Variants in PCDHA1 observed in about 807,000 individuals in gnomAD.
PCDHA1 encodes the protein protocadherin alpha-1.
In PCDHA1, 42 loss-of-function variants were observed where a neutral mutation model predicts 61.3. The ratio of observed to expected loss-of-function variants is 0.69; its 90% CI spans 0.54 to 0.89. The LOEUF is 0.89. Among genes scored for constraint, PCDHA1 ranks in the 40% least tolerant of loss-of-function variants. The probability of loss-of-function intolerance (pLI) is 0.00; values close to 1 mark genes in which losing one functional copy is unlikely to be tolerated. For synonymous variants in PCDHA1, 610 were observed against 553.8 expected (o/e 1.10, Z -1.43); for missense variants, 1,256 against 1,235.3 (o/e 1.02, Z -0.25).
At chr5:140,850,678 C>T in intron 1 of PCDHA1, 1 of 1,598,606 alleles carries the variant, frequency 6.3e-7, no homozygotes, top group Non-Finnish European at 8.6e-7. Flanking sequence ...GCGATGCCCA[C>T]CGAGGGCGAG....
intron 1 of PCDHA1, among the ~76,000 whole-genome samples, chr5:140,910,781 A>G (rs1402088509): frequency 3.9e-5 from 6 of 152,220 alleles, no homozygotes; most frequent in Non-Finnish European, 8.8e-5. Flanking sequence ...AAGCTGCAAC[A>G]TTAAATGCAG....
intron 1 of PCDHA1, among the ~76,000 whole-genome samples, chr5:140,900,920 T>G (rs539511607): frequency 2.0e-5 from 3 of 152,204 alleles, no homozygotes; most frequent in Non-Finnish European, 4.4e-5. Context: ...TAAGATGATA[T>G]CTCATTGTAG....
chr5:140,869,928 A>T, intron 1 of PCDHA1: 1 of 1,611,724 alleles, frequency 6.2e-7, no homozygotes, highest in Non-Finnish European at 8.5e-7. Flanking sequence ...GAGTCAATGG[A>T]GAGGTAACAT....
At chr5:140,895,351 T>C (rs1367078085) in intron 1 of PCDHA1, among the ~76,000 whole-genome samples, 2 of 152,180 alleles carry the variant, frequency 1.3e-5, no homozygotes, top group Admixed American at 1.3e-4. Context: ...TGCTTTCCAG[T>C]GAGTACTTAT....
In PCDHA1 at chr5:140,806,926, C is replaced by T. The variant is rs552320631; in HGVS notation, c.2394+18242C>T. ...AAACGACTGAAATAATAAATAAAAC[C>T]AAGTAGTTTACAGTAGAGTGTGTGG... On this transcript the variant is annotated intron_variant, in intron 1 of 3. Coordinates refer to ENST00000504120, the MANE Select transcript of PCDHA1 (RefSeq NM_018900.4). 5 of 514,748 alleles carry T rather than the reference C, an allele frequency of 9.7e-6. No homozygotes were observed. In the East Asian group the frequency reaches 1.6e-4, roughly 17 times the overall value. The allele number at this position is 514,748 out of a possible 1,614,324, so 31.9% of individuals were successfully genotyped here. A position where few individuals can be genotyped will look rare whatever the true frequency, so the allele number is the denominator to read the frequency against.
intron 1 of PCDHA1, chr5:140,823,932 G>A (rs782682917): frequency 2.5e-6 from 4 of 1,613,862 alleles, no homozygotes; most frequent in South Asian, 2.2e-5. Flanking sequence ...TGTACACCGC[G>A]CTGCGGTGCT....
chr5:140,882,856 G>A (rs1352769264), intron 1 of PCDHA1: 1 of 1,614,098 alleles, frequency 6.2e-7, no homozygotes, highest in African/African-American at 1.3e-5. Context: ...CACTTGTACT[G>A]AGGAAAACAC....
At chr5:140,863,723 G>A (rs1013591731) in intron 1 of PCDHA1, 3 of 271,432 alleles carry the variant, frequency 1.1e-5, no homozygotes, top group African/African-American at 4.4e-5. Context: ...GGCCGGGTGC[G>A]GTAGCTCATG....
rs782431271 is a variant in PCDHA1 at position 140,797,087 on chromosome 5, C to G, written c.2394+8403C>G. ...CTGATCATCGCCATCTGCGCGGTAT[C>G]CAGCCTGTTGGTGCTCACGGTGCTG... On this transcript the variant is annotated intron_variant, in intron 1 of 3. Transcript: ENST00000504120. 3.7e-6 allele frequency: 6 copies of G among 1,613,980 alleles called. No individual in the cohort carries two copies. Among genetic ancestry groups the G allele is most frequent in the Admixed American group, 1.7e-5 (1 of 60,034 alleles).
intron 1 of PCDHA1, chr5:140,804,762 G>T: frequency 4.2e-6 from 1 of 240,134 alleles, no homozygotes; most frequent in Non-Finnish European, 8.0e-6. Context: ...CTAGCAATTA[G>T]TTGGACTCCC....
rs140143150 is a variant in PCDHA1 at position 140,828,784 on chromosome 5, A to C, written c.2394+40100A>C. On this transcript the variant is annotated intron_variant, in intron 1 of 3. Coordinates refer to ENST00000504120, the MANE Select transcript of PCDHA1 (RefSeq NM_018900.4). Reference sequence around the variant, plus strand: ...CAGGCACTGTTCAGCTGCTGGTCACAGTGCTGGATGTGAATGATAATGCTC... The same window carrying C: ...CAGGCACTGTTCAGCTGCTGGTCACCGTGCTGGATGTGAATGATAATGCTC... 6.8e-4 allele frequency: 1,103 copies of C among 1,614,228 alleles called. 2 individuals carry two copies. Among genetic ancestry groups the C allele is most frequent in the Non-Finnish European group, 4.9e-4 (579 of 1,180,028 alleles).
rs566979917 is a variant in PCDHA1, at chr5:140,802,220, G to T, written c.2394+13536G>T. Reference sequence around the variant, plus strand: ...ACTGCACAGTTCTACTCGAAATTGTGGACATCAATGATAATGTACCTGAGT... The same window carrying T: ...ACTGCACAGTTCTACTCGAAATTGTTGACATCAATGATAATGTACCTGAGT... On this transcript the variant is annotated intron_variant, in intron 1 of 3. Coordinates refer to ENST00000504120, the MANE Select transcript of PCDHA1 (RefSeq NM_018900.4). 6 of 1,614,176 alleles carry T rather than the reference G, an allele frequency of 3.7e-6. No homozygotes were observed. In the East Asian group the frequency reaches 1.1e-4, roughly 30 times the overall value.
chr5:140,921,057 C>G (rs2079994477), intron 1 of PCDHA1, among the ~76,000 whole-genome samples: 1 of 151,924 alleles, frequency 6.6e-6, no homozygotes, highest in African/African-American at 2.4e-5. Flanking sequence ...ATAGCTCACT[C>G]TAACCTTGAA....
intron 3 of PCDHA1, among the ~76,000 whole-genome samples, chr5:141,003,441 AGAT>A (rs2098125025): frequency 6.6e-6 from 1 of 152,122 alleles, no homozygotes; most frequent in Non-Finnish European, 1.5e-5. Context: ...CCTCCCAAGT[AGAT>A]GAAATTACAG....
At position 140,927,035 on chromosome 5, in the gene PCDHA1, C is replaced by A. The variant is rs1554203936; in HGVS notation, c.2395-51914C>A. 2 of 1,612,296 alleles carry A rather than the reference C, an allele frequency of 1.2e-6. No homozygotes were observed. The highest frequency in any genetic ancestry group is 1.7e-6 in the Non-Finnish European group (2 of 1,178,902). Reference sequence around the variant, plus strand: ...TCCGCGGACTTGAGGCTGCCAGCGGCCGCTATGTCCTCGCGGAACTTTCGC... The same window carrying A: ...TCCGCGGACTTGAGGCTGCCAGCGGACGCTATGTCCTCGCGGAACTTTCGC... On this transcript the variant is annotated intron_variant, in intron 1 of 3. Transcript: ENST00000504120.
chr5:140,929,285 T>C, intron 1 of PCDHA1: 15 of 1,600,688 alleles, frequency 9.4e-6, no homozygotes, highest in Non-Finnish European at 1.3e-5. Flanking sequence ...TGTATTCAGA[T>C]TCGGAATAGG....
At chr5:140,858,028 C>T (rs1192934836) in intron 1 of PCDHA1, 1 of 1,596,786 alleles carries the variant, frequency 6.3e-7, no homozygotes, top group Non-Finnish European at 8.6e-7. Context: ...CGCTGACGGC[C>T]ACGGCCACTG....
intron 1 of PCDHA1, among the ~76,000 whole-genome samples, chr5:140,935,749 A>G (rs1245640487): frequency 6.6e-6 from 1 of 152,172 alleles, no homozygotes; most frequent in African/African-American, 2.4e-5. Flanking sequence ...ATTCCATACA[A>G]TACACATTCT....
At chr5:140,923,045 T>C (rs1554201134) in intron 1 of PCDHA1, among the ~76,000 whole-genome samples, 1 of 152,226 alleles carries the variant, frequency 6.6e-6, no homozygotes, top group Non-Finnish European at 1.5e-5. Context: ...ATGTATAGTA[T>C]TTAGAATAAA....
Sources: allele counts gnomAD v4.1 joint callset (sites outside exome capture counted in the v4.1 genomes callset), GRCh38; gene constraint gnomAD v4.1.1; transcripts MANE v1.5; gene names NCBI Gene and HGNC (gene_info 2026-07-23, HGNC 2026-07-21).